Variants in VKORC1L1 observed in about 807,000 individuals in gnomAD.
VKORC1L1 encodes the protein vitamin K epoxide reductase complex subunit 1-like protein 1.
Under a neutral mutation model 18.9 loss-of-function variants are expected in VKORC1L1, and 2 were observed. The ratio of observed to expected loss-of-function variants is 0.11; its 90% CI spans 0.04 to 0.33. VKORC1L1 has a LOEUF of 0.33. VKORC1L1 is among the 10% of genes least tolerant of loss of function. The pLI, the probability that VKORC1L1 is intolerant of heterozygous loss-of-function variation, is 1.00. For missense variants in VKORC1L1, 123 were observed against 224.1 expected (o/e 0.55, Z 2.88); for synonymous variants, 96 against 100.0 (o/e 0.96, Z 0.24).
chr7:65,906,779 C>T lies in VKORC1L1; in HGVS notation c.194+33214C>T, dbSNP rs570790913. On this transcript the variant is annotated intron_variant, in intron 1 of 2. Coordinates refer to ENST00000360768, the MANE Select transcript of VKORC1L1 (RefSeq NM_173517.6). The stretch of plus-strand genomic sequence containing the variant: ...GATCCATAATTCATGGTTGACTTGA[C>T]GTTTTCCACTGAGGGGCCAGCATGG... Among the ~76,000 whole-genome samples, 22 of 152,238 alleles carry T rather than the reference C, an allele frequency of 1.4e-4. No individual in the cohort carries two copies. In the East Asian group the frequency reaches 2.9e-3, roughly 20 times the overall value.
At chr7:65,912,202 A>G (rs1437015937) in intron 1 of VKORC1L1, among the ~76,000 whole-genome samples, 1 of 152,210 alleles carries the variant, frequency 6.6e-6, no homozygotes, top group Non-Finnish European at 1.5e-5. Flanking sequence ...CAATGCATTC[A>G]TTTATAGGCG....
At chr7:65,917,056 C>T (rs2115601645) in intron 1 of VKORC1L1, among the ~76,000 whole-genome samples, 1 of 152,230 alleles carries the variant, frequency 6.6e-6, no homozygotes, top group East Asian at 1.9e-4. Context: ...ATAGTATTAG[C>T]ATATCACGTA....
chr7:65,887,627 C>T (rs1254447000), intron 1 of VKORC1L1, among the ~76,000 whole-genome samples: 5 of 152,084 alleles, frequency 3.3e-5, no homozygotes, highest in African/African-American at 1.2e-4. Context: ...TACAAGCAGT[C>T]AGCACAGCCC....
rs1790210825 is a variant in VKORC1L1, at chr7:65,951,426, T to C, written c.304+2646T>C. Among the ~76,000 whole-genome samples, 4 of 151,932 alleles carry C rather than the reference T, an allele frequency of 2.6e-5. 1 individual carries two copies. The highest frequency in any genetic ancestry group is 9.7e-5 in the African/African-American group (4 of 41,356). ...CCATCTCTACTAAAAATACAAAAAT[T>C]AGCCAGGTGTGGTGCCGCACACCTG... is the stretch of plus-strand genomic sequence containing the variant. On this transcript the variant is annotated intron_variant, in intron 2 of 2. Transcript: ENST00000360768.
intron 1 of VKORC1L1, among the ~76,000 whole-genome samples, chr7:65,893,664 A>C (rs773497216): frequency 2.0e-5 from 3 of 152,252 alleles, no homozygotes; most frequent in Admixed American, 6.5e-5. Context: ...AAAAAAAGTA[A>C]AAATAAATAA....
chr7:65,957,317 C>T lies in VKORC1L1; in HGVS notation c.*3017C>T, dbSNP rs1250543869. On this transcript the variant is annotated 3_prime_UTR_variant, in exon 3 of 3. Coordinates refer to ENST00000360768, the MANE Select transcript of VKORC1L1 (RefSeq NM_173517.6). ...CCAGCATAGTGAAACCCCATCTCTA[C>T]TAAAAATACAAAAATTAGCCAGGCG... 1 of 151,052 alleles carries T rather than the reference C, an allele frequency of 6.6e-6. No individual in the cohort carries two copies. The highest frequency in any genetic ancestry group is 2.4e-5 in the African/African-American group (1 of 40,992). The allele number at this position is 151,052 out of a possible 1,614,324, so 9.4% of individuals were successfully genotyped here.
At chr7:65,917,361 C>G (rs926276641) in intron 1 of VKORC1L1, among the ~76,000 whole-genome samples, 7 of 152,136 alleles carry the variant, frequency 4.6e-5, no homozygotes, top group Admixed American at 2.6e-4. Flanking sequence ...GTGTAAAGTG[C>G]TTTTTGCCTG....
chr7:65,917,507 T>C (rs1367396009), intron 1 of VKORC1L1, among the ~76,000 whole-genome samples: 2 of 152,200 alleles, frequency 1.3e-5, no homozygotes, highest in African/African-American at 4.8e-5. Flanking sequence ...CTGCCTTTGC[T>C]CAGCTACTTA....
At chr7:65,869,397 A>C (rs1583813032), upstream of VKORC1L1, among the ~76,000 whole-genome samples, 1 of 152,280 alleles carries the variant, frequency 6.6e-6, no homozygotes, top group Non-Finnish European at 1.5e-5. Flanking sequence ...TGGAATATAG[A>C]ATTTGCCACA....
chr7:65,897,341 T>A (rs1352039490), intron 1 of VKORC1L1, among the ~76,000 whole-genome samples: 1 of 152,232 alleles, frequency 6.6e-6, no homozygotes, highest in African/African-American at 2.4e-5. Context: ...GATTAGCTAT[T>A]GACTAAGGTG....
chr7:65,932,804 G>A (rs1789879684), intron 1 of VKORC1L1, among the ~76,000 whole-genome samples: 1 of 152,202 alleles, frequency 6.6e-6, no homozygotes, highest in African/African-American at 2.4e-5. Context: ...GTGCAGCTGG[G>A]CGCAGTGGCT....
chr7:65,925,836 A>G (rs768215067), intron 1 of VKORC1L1, among the ~76,000 whole-genome samples: 3 of 152,208 alleles, frequency 2.0e-5, no homozygotes, highest in Non-Finnish European at 4.4e-5. Flanking sequence ...GAAATTGTAT[A>G]AAACCACAGG....
upstream of VKORC1L1, among the ~76,000 whole-genome samples, chr7:65,868,360 T>C (rs1217471857): frequency 6.6e-6 from 1 of 152,112 alleles, no homozygotes; most frequent in East Asian, 1.9e-4. Context: ...AAGGAACGCT[T>C]ATACACCGTT....
chr7:65,910,879 A>G (rs542755896), intron 1 of VKORC1L1, among the ~76,000 whole-genome samples: 10 of 152,320 alleles, frequency 6.6e-5, no homozygotes, highest in African/African-American at 2.4e-4. Flanking sequence ...ATCTGCTTCT[A>G]TTAGCCTTTA....
chr7:65,900,605 C>G (rs1789298887), intron 1 of VKORC1L1, among the ~76,000 whole-genome samples: 1 of 151,998 alleles, frequency 6.6e-6, no homozygotes, highest in Non-Finnish European at 1.5e-5. Flanking sequence ...GAGTTCGAGA[C>G]CAGCCTGGCC....
Position 65,919,312 on chromosome 7 carries a change from A to G in VKORC1L1, c.195-29359A>G, listed in dbSNP as rs150691922. Among the ~76,000 whole-genome samples the G allele has an allele frequency of 1.5e-3, 235 of 152,274 alleles. 1 individual carries two copies. Among genetic ancestry groups the G allele is most frequent in the African/African-American group, 5.5e-3 (228 of 41,568 alleles). On this transcript the variant is annotated intron_variant, in intron 1 of 2. Coordinates refer to ENST00000360768, the MANE Select transcript of VKORC1L1 (RefSeq NM_173517.6). ...GTCTCTTGACTTTAAATACCAAGCT[A>G]TATGCTGACCACTCCAAAATTTTTA...
intron 1 of VKORC1L1, among the ~76,000 whole-genome samples, chr7:65,890,806 A>T (rs1789099441): frequency 6.6e-6 from 1 of 152,218 alleles, no homozygotes; most frequent in Non-Finnish European, 1.5e-5. Context: ...TAGGTACATA[A>T]TGGGTTTTTG....
intron 1 of VKORC1L1, among the ~76,000 whole-genome samples, chr7:65,939,322 G>A (rs1267363371): frequency 6.6e-6 from 1 of 152,192 alleles, no homozygotes; most frequent in East Asian, 1.9e-4. Context: ...AGTAAAAGGG[G>A]TCCTGGAAAC....
chr7:65,866,671 A>G, the VKORC1L1 span, among the ~76,000 whole-genome samples: 11 of 152,298 alleles, frequency 7.2e-5, no homozygotes, highest in African/African-American at 2.6e-4. Flanking sequence ...ACACTGTGGG[A>G]GGCTGAGGCA....
Sources: allele counts gnomAD v4.1 joint callset (sites outside exome capture counted in the v4.1 genomes callset), GRCh38; gene constraint gnomAD v4.1.1; transcripts MANE v1.5; gene names NCBI Gene and HGNC (gene_info 2026-07-23, HGNC 2026-07-21).